Variants in SORL1 observed in about 807,000 individuals in gnomAD.
SORL1 encodes sortilin related receptor 1.
SORL1 carries 127 observed loss-of-function variants against 273.7 expected under a neutral mutation model. The observed-to-expected ratio is 0.46, with a 90% CI of 0.40 to 0.54. The LOEUF (loss-of-function observed/expected upper bound fraction) is 0.54, where lower values mean the gene tolerates loss of function less well. SORL1 is among the 20% of genes least tolerant of loss of function. SORL1 has a pLI of 0.00. For missense variants in SORL1, 2,494 were observed against 2,846.1 expected (o/e 0.88, Z 2.81); for synonymous variants, 1,031 against 1,067.4 (o/e 0.97, Z 0.66).
chr11:121,591,216 G>A (rs1407495864), intron 31 of SORL1, 60 bp downstream of exon 31: 51 of 1,582,576 alleles, frequency 3.2e-5, no homozygotes, highest in Non-Finnish European at 3.7e-5. Flanking sequence ...GACCTTCTGG[G>A]GGTGTGCTCT....
chr11:121,605,657 G>A (rs1863458692), intron 35 of SORL1, 86 bp downstream of exon 35: 1 of 1,082,254 alleles, frequency 9.2e-7, no homozygotes, highest in Admixed American at 1.9e-5. Context: ...TCAGGAATGT[G>A]GGAACATATG....
chr11:121,536,432 T>G (rs1288570842), intron 12 of SORL1, among the ~76,000 whole-genome samples: 1 of 150,332 alleles, frequency 6.7e-6, no homozygotes, highest in Non-Finnish European at 1.5e-5. Context: ...ACTGTGTTTT[T>G]TTTTTTTTTT....
chr11:121,516,400 A>G (rs1228737414), intron 8 of SORL1, among the ~76,000 whole-genome samples: 1 of 152,190 alleles, frequency 6.6e-6, no homozygotes, highest in Non-Finnish European at 1.5e-5. Context: ...GCTTCACCCG[A>G]GCTGCCTTTA....
In SORL1 at chr11:121,614,913, G is replaced by C; in HGVS notation, c.5462G>C (p.Trp1821Ser). Residue 1821 changes from tryptophan to serine, a missense_variant, in exon 41 of 48, where the codon TGG becomes TCG. Coordinates refer to ENST00000260197, the MANE Select transcript of SORL1 (RefSeq NM_003105.6). The stretch of plus-strand genomic sequence containing the variant: ...CATACATCCTATGAGATTTCTGCCT[G>C]GGCCAAGACTGACTTGGGGGATAGC... ...TAHTSYEISA[W>S]AKTDLGDSPL... 1 of 1,613,032 alleles carries C rather than the reference G, an allele frequency of 6.2e-7. No individual in the cohort carries two copies. Among genetic ancestry groups the C allele is most frequent in the East Asian group, 2.2e-5 (1 of 44,814 alleles).
chr11:121,583,337 G>A (rs1385056272), intron 25 of SORL1, 121 bp from the exon 26 acceptor site: 1 of 1,162,512 alleles, frequency 8.6e-7, no homozygotes, highest in Non-Finnish European at 1.1e-6. Context: ...AAACCCAGAT[G>A]CTCCCACAGT....
intron 12 of SORL1, 36 bp downstream of exon 12, chr11:121,532,588 T>G (rs765766779): frequency 1.3e-5 from 20 of 1,546,614 alleles, no homozygotes; most frequent in Non-Finnish European, 3.6e-6. Context: ...AACATCAAAC[T>G]TTCTCCCAGA....
At chr11:121,601,285 C>T (rs1341546236) in intron 32 of SORL1, among the ~76,000 whole-genome samples, 3 of 138,792 alleles carry the variant, frequency 2.2e-5, no homozygotes, top group Non-Finnish European at 4.7e-5. Flanking sequence ...TTTTCTTAAT[C>T]CAGTCTATCA....
At chr11:121,507,234 A>G (rs1340946787) in intron 6 of SORL1, among the ~76,000 whole-genome samples, 1 of 152,142 alleles carries the variant, frequency 6.6e-6, no homozygotes, top group Admixed American at 6.5e-5. Context: ...GGCTTTCAGC[A>G]GTTTTACTGT....
Position 121,488,088 on chromosome 11 carries a change from C to T in SORL1, c.585C>T (p.Asn195=), listed in dbSNP as rs777133111. 1.9e-6 allele frequency: 3 copies of T among 1,614,194 alleles called. No individual in the cohort carries two copies. Among genetic ancestry groups the T allele is most frequent in the Non-Finnish European group, 2.5e-6 (3 of 1,180,022 alleles). ...QYLWITFDFC[N]TLQGFSIPFR... ...TCTGGATCACGTTTGACTTCTGCAA[C>T]ACTCTTCAAGGCTTTTCCATCCCAT... Residue 195 remains asparagine, a synonymous_variant, in exon 4 of 48, where the codon AAC becomes AAT. Coordinates refer to ENST00000260197, the MANE Select transcript of SORL1 (RefSeq NM_003105.6).
intron 40 of SORL1, 26 bp downstream of exon 40, chr11:121,612,858 G>A: frequency 6.5e-7 from 1 of 1,547,554 alleles, no homozygotes; most frequent in Non-Finnish European, 8.9e-7. Context: ...TGGTCAGTGT[G>A]TGTGCAGGAA....
intron 3 of SORL1, among the ~76,000 whole-genome samples, chr11:121,485,021 G>A (rs1033180642): frequency 6.6e-6 from 1 of 152,162 alleles, no homozygotes; most frequent in Non-Finnish European, 1.5e-5. Context: ...TCCCAAAGTG[G>A]TGGGATTACA....
rs991131843 is a variant in SORL1, at chr11:121,618,829, G to A, written c.5660G>A (p.Ser1887Asn). 6.2e-7 allele frequency: 1 copy of A among 1,614,078 alleles called. No homozygotes were observed. The highest frequency in any genetic ancestry group is 1.1e-5 in the South Asian group (1 of 91,078). The stretch of plus-strand genomic sequence containing the variant: ...CTTGACCTCTATCGCAACCCGAAGA[G>A]CTTGACTACTTCACTCCACAACAAG... ...SFLDLYRNPK[S>N]LTTSLHNKTV... Residue 1887 changes from serine (S) to asparagine (N), a missense_variant, in exon 42 of 48, where the codon AGC becomes AAC. Coordinates refer to ENST00000260197, the MANE Select transcript of SORL1 (RefSeq NM_003105.6).
At chr11:121,570,477 AT>A (rs1322120710) in intron 23 of SORL1, among the ~76,000 whole-genome samples, 3 of 152,096 alleles carry the variant, frequency 2.0e-5, no homozygotes, top group African/African-American at 4.8e-5. Flanking sequence ...TATACATAAT[AT>A]TTTTTTAACC....
chr11:121,629,743 T>C lies in SORL1; in HGVS notation c.*180T>C. On this transcript the variant is annotated 3_prime_UTR_variant, in exon 48 of 48. Coordinates refer to ENST00000260197, the MANE Select transcript of SORL1 (RefSeq NM_003105.6). The stretch of plus-strand genomic sequence containing the variant: ...ATGAATAAACTTTGTAGTAATCAAC[T>C]GTGAACTTCAAACCAGGTTGATTTT... 1.7e-6 allele frequency: 1 copy of C among 579,954 alleles called. No individual in the cohort carries two copies. The highest frequency in any genetic ancestry group is 3.0e-6 in the Non-Finnish European group (1 of 329,002). The allele number at this position is 579,954 out of a possible 1,614,324, so 35.9% of individuals were successfully genotyped here. A position where few individuals can be genotyped will look rare whatever the true frequency, so the allele number is the denominator to read the frequency against.
At chr11:121,453,550 G>A (rs755191544) in intron 1 of SORL1, among the ~76,000 whole-genome samples, 8 of 152,032 alleles carry the variant, frequency 5.3e-5, no homozygotes, top group Non-Finnish European at 1.0e-4. Context: ...AGGACCAGAG[G>A]AGGGGGTAAA....
rs761495834 is a variant in SORL1 at position 121,595,673 on chromosome 11, T to C, written c.4420T>C (p.Phe1474Leu). Reference sequence around the variant, plus strand: ...CACCCAACTTGGGCGATGTGACCGATTTGAGTTCGAATGCCACCAACCGAA... The same window carrying C: ...CACCCAACTTGGGCGATGTGACCGACTTGAGTTCGAATGCCACCAACCGAA... ...TPTQLGRCDR[F>L]EFECHQPKTC... The change falls in exon 32 of 48, where the codon TTT becomes CTT. Residue 1474 changes from phenylalanine (F) to leucine (L), a missense_variant. Phe to Leu is a conservative substitution (Grantham distance 22, BLOSUM62 0). Around this residue, in one of 3 missense-constraint regions of SORL1, gnomAD observed 1,609 missense variants for 1,816.4 expected, o/e 0.89. Transcript: ENST00000260197. The surrounding 1 kb of genome is among the most constrained non-coding windows in gnomAD (Gnocchi z 5.1). 21 of 1,613,428 alleles carry C rather than the reference T, an allele frequency of 1.3e-5. No homozygotes were observed. Among genetic ancestry groups the C allele is most frequent in the Non-Finnish European group, 1.8e-5 (21 of 1,179,770 alleles).
At position 121,452,578 on chromosome 11, in the gene SORL1, G is replaced by T. The variant is rs1860820416; in HGVS notation, c.247G>T (p.Ala83Ser). ...DEKPLRRKRS[A>S]ALQPEPIKVY... is the part of the protein sequence containing the mutation. ...GAAGCCGCTCCGGAGGAAACGGAGC[G>T]CTGCCCTGCAGCCCGAGCCCATCAA... The change falls in exon 1 of 48, where the codon GCT becomes TCT. Residue 83 changes from alanine (A) to serine (S), a missense_variant. By Grantham distance (99) the Ala-to-Ser change is moderately conservative. Coordinates refer to ENST00000260197, the MANE Select transcript of SORL1 (RefSeq NM_003105.6). This position sits in a 1 kb window ranked among gnomAD's most constrained non-coding sequence, Gnocchi z 5.3. 2 of 1,522,254 alleles carry T rather than the reference G, an allele frequency of 1.3e-6. No homozygotes were observed. Among genetic ancestry groups the T allele is most frequent in the East Asian group, 2.6e-5 (1 of 37,990 alleles). The allele number at this position is 1,522,254 out of a possible 1,614,324, so 94.3% of individuals were successfully genotyped here.
chr11:121,465,940 C>A (rs556203426), intron 1 of SORL1, among the ~76,000 whole-genome samples: 1 of 152,208 alleles, frequency 6.6e-6, no homozygotes, highest in East Asian at 1.9e-4. Flanking sequence ...GGCATGGGAC[C>A]CCCCTAGGCC....
chr11:121,461,300 C>T (rs1860996899), intron 1 of SORL1, among the ~76,000 whole-genome samples: 1 of 152,082 alleles, frequency 6.6e-6, no homozygotes, highest in African/African-American at 2.4e-5. Context: ...GAAACAAGGC[C>T]TTCAATCTCT....
Sources: allele counts gnomAD v4.1 joint callset (sites outside exome capture counted in the v4.1 genomes callset), GRCh38; gene constraint gnomAD v4.1.1; regional missense constraint gnomAD v4.1.1; non-coding constraint Gnocchi (gnomAD v3.1); transcripts MANE v1.5; gene names NCBI Gene and HGNC (gene_info 2026-07-23, HGNC 2026-07-21).